Variants in SLC22A4 observed in about 807,000 individuals in gnomAD.
SLC22A4 encodes the protein ET transporter.
In SLC22A4, 39 loss-of-function variants were observed where a neutral mutation model predicts 56.6. The ratio of observed to expected loss-of-function variants is 0.69; its 90% confidence interval spans 0.53 to 0.90. SLC22A4 has a LOEUF of 0.90. Among genes scored for constraint, SLC22A4 ranks in the 40% least tolerant of loss-of-function variants. SLC22A4 has a pLI of 0.00. For synonymous variants in SLC22A4, 241 were observed against 281.4 expected, an observed-to-expected ratio of 0.86 and a Z score of 1.44; for missense variants, 594 against 696.5, an observed-to-expected ratio of 0.85 and a Z score of 1.66.
intron 1 of SLC22A4, among the ~76,000 whole-genome samples, chr5:132,310,366 T>C (rs776112904): frequency 6.6e-6 from 1 of 152,192 alleles, no homozygotes; most frequent in African/African-American, 2.4e-5. Flanking sequence ...ATCTGAAGCT[T>C]TGGACAATTA....
rs115188666 is a variant in SLC22A4 at position 132,302,749 on chromosome 5, T to C, written c.393+7740T>C. Among the ~76,000 whole-genome samples, 327 of 152,298 alleles carry C rather than the reference T, an allele frequency of 2.1e-3. 1 individual carries two copies. The highest frequency in any genetic ancestry group is 7.6e-3 in the African/African-American group (316 of 41,568). On this transcript the variant is annotated intron_variant, in intron 1 of 9. Transcript: ENST00000200652. ...AGCTGTGGTGGATCCATTGTCAGGA[T>C]GCAAGGGGCACAGCCAGGTCCCTGA...
At chr5:132,339,687 G>T (rs1751146325) in intron 8 of SLC22A4, among the ~76,000 whole-genome samples, 1 of 152,124 alleles carries the variant, frequency 6.6e-6, no homozygotes, top group African/African-American at 2.4e-5. Flanking sequence ...TTCAAACTAT[G>T]CTCAGATGGT....
intron 1 of SLC22A4, among the ~76,000 whole-genome samples, chr5:132,308,315 C>CAGAG (rs1750088910): frequency 6.7e-6 from 1 of 148,856 alleles, no homozygotes; most frequent in Non-Finnish European, 1.5e-5. Context: ...GTGCCCTACA[C>CAGAG]AGAGCCTGGC....
chr5:132,341,887 C>G (rs1180627578), intron 9 of SLC22A4, among the ~76,000 whole-genome samples: 1 of 152,004 alleles, frequency 6.6e-6, no homozygotes, highest in East Asian at 1.9e-4. Context: ...GTGGATGTTG[C>G]AGTGAGCCGA....
chr5:132,327,083 T>A (rs1750710807), intron 4 of SLC22A4, among the ~76,000 whole-genome samples, 194 bp from the exon 5 acceptor site: 1 of 152,254 alleles, frequency 6.6e-6, no homozygotes, highest in African/African-American at 2.4e-5. Context: ...ATCGGTCTTA[T>A]AATTTGATCA....
In SLC22A4 at chr5:132,344,106, G is replaced by A; in HGVS notation, c.*271G>A. On this transcript the variant is annotated 3_prime_UTR_variant, in exon 10 of 10. Transcript: ENST00000200652. Reference sequence around the variant, plus strand: ...CTTGAAAACATGTTAGTCAAGGACTGGTAAAATACATATAAAGATTAACAC... The same window carrying A: ...CTTGAAAACATGTTAGTCAAGGACTAGTAAAATACATATAAAGATTAACAC... 1.3e-5 allele frequency: 5 copies of A among 397,344 alleles called. No individual in the cohort carries two copies. Among genetic ancestry groups the A allele is most frequent in the Non-Finnish European group, 1.8e-5 (4 of 221,948 alleles). The allele number at this position is 397,344 out of a possible 1,614,324, so 24.6% of individuals were successfully genotyped here. A position where few individuals can be genotyped will look rare whatever the true frequency, so the allele number is the denominator to read the frequency against.
chr5:132,297,540 C>T (rs1056741995), intron 1 of SLC22A4, among the ~76,000 whole-genome samples: 6 of 152,052 alleles, frequency 3.9e-5, no homozygotes, highest in Non-Finnish European at 8.8e-5. Flanking sequence ...CTGATGAAAG[C>T]CTCAGTTTCC....
At chr5:132,300,665 A>AC (rs1749887467) in intron 1 of SLC22A4, among the ~76,000 whole-genome samples, 1 of 152,122 alleles carries the variant, frequency 6.6e-6, no homozygotes, top group Admixed American at 6.5e-5. Flanking sequence ...AAACCAAGTT[A>AC]TTTTTCACTT....
intron 1 of SLC22A4, among the ~76,000 whole-genome samples, chr5:132,297,897 A>G (rs921975102): frequency 2.0e-5 from 3 of 151,912 alleles, no homozygotes; most frequent in African/African-American, 7.3e-5. Context: ...GCAGTGAGCT[A>G]TGACCATATC....
rs753290785 is a variant in SLC22A4 at position 132,328,903 on chromosome 5, GTATA to G, written c.951+1525_951+1528del. Among the ~76,000 whole-genome samples the G allele has an allele frequency of 6.7e-4, 65 of 96,436 alleles. No individual in the cohort carries two copies. In the East Asian group the frequency reaches 8.9e-3, roughly 13 times the overall value. 63.3% of individuals were successfully genotyped at this position (96,436 alleles called of 152,430 possible). A position where few individuals can be genotyped will look rare whatever the true frequency, so the allele number is the denominator to read the frequency against. On this transcript the variant is annotated intron_variant, in intron 5 of 9. Transcript: ENST00000200652. ...AATGTGTATATATATGTGTGTATGT[GTATA>G]TATATATATATATATATATATATAC...
chr5:132,326,976 T>C (rs1172142318), intron 4 of SLC22A4, among the ~76,000 whole-genome samples: 1 of 152,240 alleles, frequency 6.6e-6, no homozygotes, highest in East Asian at 1.9e-4. Context: ...ACACTACCTA[T>C]AAGTTTTGGA....
chr5:132,339,132 G>A (rs1267895444), intron 8 of SLC22A4, among the ~76,000 whole-genome samples: 2 of 152,054 alleles, frequency 1.3e-5, no homozygotes, highest in Non-Finnish European at 2.9e-5. Context: ...CCCTCCTTTC[G>A]GGGTCCCTAA....
At position 132,335,899 on chromosome 5, in the gene SLC22A4, C is replaced by A. The variant is rs780552167; in HGVS notation, c.1343C>A (p.Thr448Asn). Residue 448 changes from threonine (T) to asparagine (N), a missense_variant, in exon 8 of 10, where the codon ACT (threonine) becomes AAT (asparagine). Transcript: ENST00000200652. ...TSAFSMLYVF[T>N]AELYPTLVRN... ...GCTTTCTCCATGCTGTATGTCTTCA[C>A]TGCTGAGCTCTACCCAACCCTGGTC... The A allele has an allele frequency of 1.2e-6, 2 of 1,614,146 alleles. No homozygotes were observed. The highest frequency in any genetic ancestry group is 2.2e-5 in the East Asian group (1 of 44,878).
chr5:132,328,318 A>G (rs1489895183), intron 5 of SLC22A4, among the ~76,000 whole-genome samples: 1 of 152,154 alleles, frequency 6.6e-6, no homozygotes, highest in Non-Finnish European at 1.5e-5. Flanking sequence ...GTAACATTAT[A>G]CATGCCCTGC....
At chr5:132,315,243 G>A (rs1750309916) in intron 3 of SLC22A4, among the ~76,000 whole-genome samples, 1 of 152,000 alleles carries the variant, frequency 6.6e-6, no homozygotes, top group African/African-American at 2.4e-5. Flanking sequence ...CATACCAAAA[G>A]CCAAACAGGC....
chr5:132,328,316 A>T (rs1750738062), intron 5 of SLC22A4, among the ~76,000 whole-genome samples: 1 of 152,174 alleles, frequency 6.6e-6, no homozygotes. Flanking sequence ...CAGTAACATT[A>T]TACATGCCCT....
At chr5:132,322,750 G>A (rs747451050) in intron 4 of SLC22A4, among the ~76,000 whole-genome samples, 9 of 152,110 alleles carry the variant, frequency 5.9e-5, no homozygotes, top group Admixed American at 3.9e-4. Context: ...ATCATATAAC[G>A]ATTAGCATCT....
At chr5:132,310,066 G>A (rs951566599) in intron 1 of SLC22A4, among the ~76,000 whole-genome samples, 7 of 152,220 alleles carry the variant, frequency 4.6e-5, no homozygotes, top group African/African-American at 1.7e-4. Flanking sequence ...TCCTAGTCCT[G>A]GGTAATTGTC....
At chr5:132,323,715 C>A (rs1186027144) in intron 4 of SLC22A4, among the ~76,000 whole-genome samples, 1 of 152,152 alleles carries the variant, frequency 6.6e-6, no homozygotes, top group Non-Finnish European at 1.5e-5. Context: ...CATCATCTGT[C>A]CTTCTCTCCA....
Sources: gnomAD v4.1 joint callset for allele counts (sites outside exome capture counted in the v4.1 genomes callset) on GRCh38, gnomAD v4.1.1 for gene constraint, MANE v1.5 for transcripts, NCBI Gene and HGNC (gene_info 2026-07-23, HGNC 2026-07-21) for gene names.